TSGA10: variants seen among roughly 807,000 people sequenced by gnomAD.
TSGA10 encodes the protein testis-specific gene 10 protein.
Under a neutral mutation model 96.6 loss-of-function variants are expected in TSGA10, and 43 were observed. The ratio of observed to expected loss-of-function variants is 0.44; its 90% CI spans 0.35 to 0.57. The LOEUF is 0.57. Ranked by LOEUF, TSGA10 falls within the 20% of genes least tolerant of loss-of-function variation. TSGA10 has a pLI of 0.01. For missense variants in TSGA10, 703 were observed against 834.4 expected (o/e 0.84, Z 1.94); for synonymous variants, 229 against 269.9 (o/e 0.85, Z 1.48).
rs62156365 is a variant in TSGA10 at position 99,086,981 on chromosome 2, A to G, written c.612-5584T>C. 3.5e-3 allele frequency among the ~76,000 whole-genome samples: 526 copies of G among 151,958 alleles called. 1 individual carries two copies. The highest frequency in any genetic ancestry group is 6.1e-3 in the Non-Finnish European group (414 of 67,898). On this transcript the variant is annotated intron_variant, in intron 10 of 20. Transcript: ENST00000393483. ...GCACTTTGGGAGGCCAAGGAGGGCG[A>G]ATCACGAGGTCAGGAGATTGAGACC...
At chr2:99,023,403 T>G (rs1453276571) in intron 17 of TSGA10, among the ~76,000 whole-genome samples, 1 of 131,678 alleles carries the variant, frequency 7.6e-6, no homozygotes, top group East Asian at 3.2e-4. Flanking sequence ...GCACAGAAGG[T>G]TTTTTTTTTT....
At chr2:99,131,100 A>T (rs1273290901) in intron 1 of TSGA10, among the ~76,000 whole-genome samples, 1 of 151,942 alleles carries the variant, frequency 6.6e-6, no homozygotes, top group Non-Finnish European at 1.5e-5. Flanking sequence ...TTTGCTTAGG[A>T]TTGTCTTGGC....
rs150434181 is a variant in TSGA10, at chr2:99,152,766, G to C, written c.-621+1927C>G. 3.2e-3 allele frequency among the ~76,000 whole-genome samples: 488 copies of C among 152,320 alleles called. 3 individuals carry two copies. Among genetic ancestry groups the C allele is most frequent in the Admixed American group, 9.6e-3 (147 of 15,298 alleles). ...TGAAGTCTGACAGGATGTAGTCATGGTTTGGAAGCGGAAAGTGAGGAAGAA... is the reference window on the plus strand; with the variant it reads ...TGAAGTCTGACAGGATGTAGTCATGCTTTGGAAGCGGAAAGTGAGGAAGAA... On this transcript the variant is annotated intron_variant, in intron 1 of 20. Coordinates refer to ENST00000393483, the MANE Select transcript of TSGA10 (RefSeq NM_025244.4).
intron 16 of TSGA10, among the ~76,000 whole-genome samples, chr2:99,041,159 CCAATGGATGCAGG>C (rs902237585): frequency 6.6e-6 from 1 of 152,214 alleles, no homozygotes; most frequent in African/African-American, 2.4e-5. Context: ...CCAGCTCCAG[CCAATGGATGCAGG>C]ACACTGCAGT....
chr2:99,152,914 A>G (rs975041309), intron 1 of TSGA10, among the ~76,000 whole-genome samples: 2 of 152,368 alleles, frequency 1.3e-5, no homozygotes, highest in Non-Finnish European at 2.9e-5. Flanking sequence ...TATCTATGGA[A>G]CTAAAAAATA....
rs767599002 is a variant in TSGA10, at chr2:99,141,170, G to T, written c.-621+13523C>A. On this transcript the variant is annotated intron_variant, in intron 1 of 20. Coordinates refer to ENST00000393483, the MANE Select transcript of TSGA10 (RefSeq NM_025244.4). The stretch of plus-strand genomic sequence containing the variant: ...CGACTGTCAGCTCTCGGCCTCAGCG[G>T]GGGATACAAGAACCGCCCACTCTCC... 4.0e-6 allele frequency: 5 copies of T among 1,255,100 alleles called. No homozygotes were observed. The South Asian group carries it at 6.4e-5, about 16-fold the overall frequency. 77.7% of individuals were successfully genotyped at this position (1,255,100 alleles called of 1,614,324 possible). A position where few individuals can be genotyped will look rare whatever the true frequency, so the allele number is the denominator to read the frequency against.
chr2:99,145,384 C>T (rs995012657), intron 1 of TSGA10, among the ~76,000 whole-genome samples: 1 of 151,896 alleles, frequency 6.6e-6, no homozygotes, highest in Non-Finnish European at 1.5e-5. Flanking sequence ...ATGGCAAAAC[C>T]CTGTCTCTCC....
intron 16 of TSGA10, among the ~76,000 whole-genome samples, chr2:99,063,750 GAGCCAAGAT>G (rs2084946870): frequency 7.4e-6 from 1 of 134,406 alleles, no homozygotes; most frequent in African/African-American, 3.2e-5. Flanking sequence ...AGGTTGCAGT[GAGCCAAGAT>G]CACGCCACTG....
intron 20 of TSGA10, among the ~76,000 whole-genome samples, chr2:99,006,117 C>G (rs536233131): frequency 1.3e-5 from 2 of 152,318 alleles, no homozygotes; most frequent in Admixed American, 1.3e-4. Flanking sequence ...TGGATCCCTT[C>G]CTTACACCTT....
At chr2:99,066,864 T>C (rs1463144780) in intron 15 of TSGA10, among the ~76,000 whole-genome samples, 1 of 152,068 alleles carries the variant, frequency 6.6e-6, no homozygotes, top group Non-Finnish European at 1.5e-5. Flanking sequence ...ACTGCAACAC[T>C]CCGTAGGCCT....
intron 9 of TSGA10, among the ~76,000 whole-genome samples, chr2:99,104,538 G>C (rs1015405419): frequency 6.6e-6 from 1 of 151,492 alleles, no homozygotes; most frequent in Admixed American, 6.6e-5. Flanking sequence ...GCAGTGGCGC[G>C]ATCTCGGCTC....
intron 2 of TSGA10, chr2:99,124,667 C>T (rs1296957659): frequency 6.6e-6 from 1 of 152,120 alleles, no homozygotes; most frequent in African/African-American, 2.4e-5. Flanking sequence ...TCACTGCAAC[C>T]TCTGCCTCCC....
chr2:99,014,846 A>G (rs2079356544), intron 20 of TSGA10, among the ~76,000 whole-genome samples: 4 of 152,222 alleles, frequency 2.6e-5, no homozygotes, highest in Admixed American at 2.6e-4. Flanking sequence ...AGATCATTCG[A>G]GGCTACTATG....
At position 99,110,899 on chromosome 2, in the gene TSGA10, T is replaced by C. The variant is rs920681796; in HGVS notation, c.-123A>G. The C allele has an allele frequency of 7.8e-6, 6 of 767,642 alleles. No individual in the cohort carries two copies. In the African/African-American group the frequency reaches 9.5e-5, roughly 12 times the overall value. The allele number at this position is 767,642 out of a possible 1,614,324, so 47.6% of individuals were successfully genotyped here. A position where few individuals can be genotyped will look rare whatever the true frequency, so the allele number is the denominator to read the frequency against. ...TTCCAATACTATAATATTATTTTGCTGGCAAATGAGATCAATCTGAAGAAA... is the reference window on the plus strand; with the variant it reads ...TTCCAATACTATAATATTATTTTGCCGGCAAATGAGATCAATCTGAAGAAA... On this transcript the variant is annotated 5_prime_UTR_variant, in exon 5 of 21. Coordinates refer to ENST00000393483, the MANE Select transcript of TSGA10 (RefSeq NM_025244.4).
chr2:99,141,139 T>A, intron 1 of TSGA10: 1 of 1,273,096 alleles, frequency 7.9e-7, no homozygotes, highest in Non-Finnish European at 1.0e-6. Context: ...CCAGAGCTCA[T>A]CCCCGCGACT....
intron 20 of TSGA10, among the ~76,000 whole-genome samples, chr2:99,008,992 G>T (rs995179759): frequency 6.6e-6 from 1 of 152,130 alleles, no homozygotes; most frequent in Non-Finnish European, 1.5e-5. Context: ...AAACCACAAA[G>T]AAAGGGGGTG....
chr2:99,005,340 G>C (rs1037723859), intron 20 of TSGA10, among the ~76,000 whole-genome samples: 1 of 152,192 alleles, frequency 6.6e-6, no homozygotes, highest in Non-Finnish European at 1.5e-5. Flanking sequence ...TAGGAAAAGA[G>C]GAAGTCAAAT....
At chr2:99,104,584 C>T (rs903999531) in intron 9 of TSGA10, among the ~76,000 whole-genome samples, 3 of 152,028 alleles carry the variant, frequency 2.0e-5, no homozygotes, top group Non-Finnish European at 4.4e-5. Context: ...AAGCAATTCT[C>T]CTGTCTCAGC....
Position 99,127,038 on chromosome 2 carries a change from T to C in TSGA10, c.-492+10A>G, listed in dbSNP as rs981147794. ...TTAAGTCAGGAAAATATGTTGTAAC[T>C]AAACGCAACCTGTAATTTCAGTGTC... On this transcript the variant is annotated intron_variant, in intron 2 of 20. Coordinates refer to ENST00000393483, the MANE Select transcript of TSGA10 (RefSeq NM_025244.4). 1.0e-5 allele frequency: 13 copies of C among 1,287,332 alleles called. No homozygotes were observed. The highest frequency in any genetic ancestry group is 1.3e-5 in the Non-Finnish European group (13 of 988,232). The allele number at this position is 1,287,332 out of a possible 1,614,324, so 79.7% of individuals were successfully genotyped here.
Sources: allele counts gnomAD v4.1 joint callset (sites outside exome capture counted in the v4.1 genomes callset), GRCh38; gene constraint gnomAD v4.1.1; transcripts MANE v1.5; gene names NCBI Gene and HGNC (gene_info 2026-07-23, HGNC 2026-07-21).